Variants in CAMKMT observed in about 807,000 individuals in gnomAD.
CAMKMT encodes calmodulin-lysine N-methyltransferase, also known as CaM KMT.
CAMKMT carries 53 observed loss-of-function variants against 48.0 expected under a neutral mutation model. The ratio of observed to expected loss-of-function variants is 1.10; its 90% CI spans 0.89 to 1.39. The LOEUF (loss-of-function observed/expected upper bound fraction) is 1.39, where lower values mean the gene tolerates loss of function less well. Ranked by LOEUF, CAMKMT falls within the 40% of genes most tolerant of loss-of-function variation. The pLI, the probability that CAMKMT is intolerant of heterozygous loss-of-function variation, is 0.00. For synonymous variants in CAMKMT, 165 were observed against 152.3 expected (o/e 1.08, Z -0.61); for missense variants, 428 against 402.7 (o/e 1.06, Z -0.54).
chr2:44,596,678 G>C (rs1670689857), intron 3 of CAMKMT, among the ~76,000 whole-genome samples: 1 of 152,056 alleles, frequency 6.6e-6, no homozygotes, highest in African/African-American at 2.4e-5. Context: ...AAGAGACAAT[G>C]AGGTCATGAT....
At chr2:44,538,313 A>G (rs1326539622) in intron 3 of CAMKMT, among the ~76,000 whole-genome samples, 1 of 151,698 alleles carries the variant, frequency 6.6e-6, no homozygotes, top group Non-Finnish European at 1.5e-5. Context: ...GGTTGCAGTG[A>G]GCCAAGATTG....
chr2:44,519,982 C>T (rs868354911), intron 3 of CAMKMT, among the ~76,000 whole-genome samples: 19 of 151,208 alleles, frequency 1.3e-4, no homozygotes, highest in African/African-American at 3.2e-4. Context: ...GAGGCTGAGG[C>T]GGGCGGATCA....
intron 3 of CAMKMT, among the ~76,000 whole-genome samples, chr2:44,391,221 A>G (rs1326539675): frequency 1.3e-5 from 2 of 152,186 alleles, no homozygotes; most frequent in Non-Finnish European, 2.9e-5. Context: ...TTTTGTTCTT[A>G]TGTCCACATT....
intron 3 of CAMKMT, among the ~76,000 whole-genome samples, chr2:44,446,861 A>G (rs562032626): frequency 1.3e-5 from 2 of 152,306 alleles, no homozygotes; most frequent in East Asian, 3.9e-4. Flanking sequence ...AGATTTGGCC[A>G]TACCTGTGTC....
intron 2 of CAMKMT, among the ~76,000 whole-genome samples, chr2:44,379,082 C>A (rs1679983937): frequency 6.6e-6 from 1 of 152,192 alleles, no homozygotes; most frequent in South Asian, 2.1e-4. Context: ...TCTCCTTCTT[C>A]CTCTAGTCCC....
intron 3 of CAMKMT, among the ~76,000 whole-genome samples, chr2:44,561,468 TA>T (rs1668320432): frequency 6.6e-6 from 1 of 152,228 alleles, no homozygotes; most frequent in African/African-American, 2.4e-5. Flanking sequence ...TATGAATTGA[TA>T]AATAAGCATG....
chr2:44,571,818 A>G (rs1668920819), intron 3 of CAMKMT, among the ~76,000 whole-genome samples: 1 of 152,204 alleles, frequency 6.6e-6, no homozygotes, highest in East Asian at 1.9e-4. Context: ...TCTAAAAAAT[A>G]AAAATTAAAA....
At chr2:44,459,018 C>T (rs1036498568) in intron 3 of CAMKMT, among the ~76,000 whole-genome samples, 5 of 151,946 alleles carry the variant, frequency 3.3e-5, no homozygotes, top group African/African-American at 4.8e-5. Flanking sequence ...TCAACATGCA[C>T]CACCAACTTT....
intron 3 of CAMKMT, among the ~76,000 whole-genome samples, chr2:44,466,187 G>A (rs1017373721): frequency 4.6e-5 from 7 of 152,130 alleles, no homozygotes; most frequent in Non-Finnish European, 7.4e-5. Context: ...GGATCTAACA[G>A]ATATACAGAA....
intron 3 of CAMKMT, among the ~76,000 whole-genome samples, chr2:44,395,758 A>G (rs1681776196): frequency 6.6e-6 from 1 of 152,160 alleles, no homozygotes; most frequent in Non-Finnish European, 1.5e-5. Context: ...GGTTAGTAAT[A>G]TCATCTGCCT....
chr2:44,731,587 C>T (rs1020227555), intron 7 of CAMKMT, among the ~76,000 whole-genome samples: 4 of 152,160 alleles, frequency 2.6e-5, no homozygotes, highest in Non-Finnish European at 5.9e-5. Context: ...GTGAGTTTTG[C>T]ATCACAAGGT....
At chr2:44,771,313 C>G (rs1681099949) in intron 10 of CAMKMT, among the ~76,000 whole-genome samples, 1 of 152,032 alleles carries the variant, frequency 6.6e-6, no homozygotes, top group South Asian at 2.1e-4. Context: ...TTATAAATAG[C>G]AAATTTTTAT....
intron 3 of CAMKMT, among the ~76,000 whole-genome samples, chr2:44,635,117 G>A (rs1008404055): frequency 2.0e-5 from 3 of 152,188 alleles, no homozygotes; most frequent in African/African-American, 7.2e-5. Context: ...TATGCAAGGT[G>A]TTAAGTGTTG....
chr2:44,602,845 G>A (rs1002174526), intron 3 of CAMKMT, among the ~76,000 whole-genome samples: 1 of 151,954 alleles, frequency 6.6e-6, no homozygotes, highest in Middle Eastern at 3.2e-3. Flanking sequence ...ATTACAATTC[G>A]ACATGAGATT....
intron 3 of CAMKMT, among the ~76,000 whole-genome samples, chr2:44,418,036 A>G (rs1002134997): frequency 6.6e-6 from 1 of 152,124 alleles, no homozygotes; most frequent in Non-Finnish European, 1.5e-5. Context: ...TACCAAAAAT[A>G]TAAAAAGTAG....
intron 3 of CAMKMT, among the ~76,000 whole-genome samples, chr2:44,684,503 C>T (rs1573071581): frequency 6.6e-6 from 1 of 151,834 alleles, no homozygotes; most frequent in African/African-American, 2.4e-5. Context: ...AAAAAAAAAC[C>T]TAGACAGAAT....
chr2:44,514,859 T>C (rs902934365), intron 3 of CAMKMT, among the ~76,000 whole-genome samples: 1 of 152,206 alleles, frequency 6.6e-6, no homozygotes, highest in Non-Finnish European at 1.5e-5. Context: ...TTAAGATAAG[T>C]ATATATAAAA....
intron 3 of CAMKMT, among the ~76,000 whole-genome samples, chr2:44,433,346 A>G (rs1684761054): frequency 6.6e-6 from 1 of 152,236 alleles, no homozygotes; most frequent in Admixed American, 6.5e-5. Context: ...GAATTAACAT[A>G]GTAAGTAATA....
intron 3 of CAMKMT, among the ~76,000 whole-genome samples, chr2:44,450,255 A>G (rs745999211): frequency 6.6e-6 from 1 of 152,178 alleles, no homozygotes; most frequent in Non-Finnish European, 1.5e-5. Context: ...ACCAATGAGC[A>G]GTTTAGAGGC....
Sources: gnomAD v4.1 joint callset for allele counts (sites outside exome capture counted in the v4.1 genomes callset) on GRCh38, gnomAD v4.1.1 for gene constraint, MANE v1.5 for transcripts, NCBI Gene and HGNC (gene_info 2026-07-23, HGNC 2026-07-21) for gene names.